NSMCE2: variants seen among roughly 807,000 people sequenced by gnomAD.
The protein encoded by NSMCE2 is NSE2 SUMO ligase component of SMC5/6 complex, also known as E3 SUMO-protein ligase NSE2.
NSMCE2 carries 24 observed loss-of-function variants against 23.8 expected under a neutral mutation model. That is an observed-to-expected ratio of 1.01 (90% CI 0.73 to 1.42). The LOEUF (loss-of-function observed/expected upper bound fraction) is 1.42. Ranked by LOEUF, NSMCE2 falls within the 40% of genes most tolerant of loss-of-function variation. The probability of loss-of-function intolerance (pLI) is 0.00; values close to 1 mark genes in which losing one functional copy is unlikely to be tolerated. For synonymous variants in NSMCE2, 92 were observed against 94.1 expected, an observed-to-expected ratio of 0.98 and a Z score of 0.13; for missense variants, 284 against 296.5, an observed-to-expected ratio of 0.96 and a Z score of 0.31.
At chr8:125,225,923 T>G (rs1825072832) in intron 5 of NSMCE2, among the ~76,000 whole-genome samples, 1 of 152,228 alleles carries the variant, frequency 6.6e-6, no homozygotes, top group South Asian at 2.1e-4. Context: ...AGTAATAATT[T>G]CCAAAAGATG....
chr8:125,184,692 TATACTA>T (rs1056024971), intron 5 of NSMCE2, among the ~76,000 whole-genome samples: 1 of 152,142 alleles, frequency 6.6e-6, no homozygotes, highest in Admixed American at 6.5e-5. Flanking sequence ...ATACTTGTAT[TATACTA>T]ATACAAGTTG....
chr8:125,160,092 A>C (rs1821528191), intron 4 of NSMCE2, among the ~76,000 whole-genome samples: 1 of 152,218 alleles, frequency 6.6e-6, no homozygotes, highest in African/African-American at 2.4e-5. Context: ...CAGAGACAAT[A>C]AAAACGTGCA....
chr8:125,345,270 T>C lies in NSMCE2; in HGVS notation c.419-11949T>C, dbSNP rs78656204. Among the ~76,000 whole-genome samples the C allele has an allele frequency of 1.8e-4, 28 of 152,306 alleles. No homozygotes were observed. In the East Asian group the frequency reaches 5.4e-3, roughly 29 times the overall value. On this transcript the variant is annotated intron_variant, in intron 5 of 7. Coordinates refer to ENST00000287437, the MANE Select transcript of NSMCE2 (RefSeq NM_173685.4). ...TTGGTAATTTGCTTTTGTACAGAAG[T>C]GGAACAGAGAATGAACAATGGTATG...
intron 5 of NSMCE2, among the ~76,000 whole-genome samples, chr8:125,269,550 T>A (rs1827089810): frequency 6.6e-6 from 1 of 152,216 alleles, no homozygotes; most frequent in South Asian, 2.1e-4. Flanking sequence ...TCATCATGGC[T>A]TGGATGAAGA....
intron 5 of NSMCE2, among the ~76,000 whole-genome samples, chr8:125,205,283 T>G (rs79405146): frequency 1.3e-5 from 2 of 152,266 alleles, no homozygotes; most frequent in African/African-American, 4.8e-5. Flanking sequence ...GAGTATCTAA[T>G]TACAAAGATT....
At chr8:125,336,185 G>A (rs1586788415) in intron 5 of NSMCE2, among the ~76,000 whole-genome samples, 1 of 152,256 alleles carries the variant, frequency 6.6e-6, no homozygotes, top group African/African-American at 2.4e-5. Context: ...CTAGTATCAT[G>A]GAATCCAGGG....
At chr8:125,303,189 C>G (rs1828629244) in intron 5 of NSMCE2, among the ~76,000 whole-genome samples, 1 of 152,154 alleles carries the variant, frequency 6.6e-6, no homozygotes, top group Non-Finnish European at 1.5e-5. Flanking sequence ...AGCTGCCTCC[C>G]TCTGTGAACC....
At chr8:125,147,403 A>G (rs527784962) in intron 3 of NSMCE2, among the ~76,000 whole-genome samples, 1 of 152,344 alleles carries the variant, frequency 6.6e-6, no homozygotes, top group African/African-American at 2.4e-5. Context: ...AAGAACACTA[A>G]GGCATCATTC....
intron 5 of NSMCE2, among the ~76,000 whole-genome samples, chr8:125,296,583 G>A (rs1435346773): frequency 2.6e-5 from 4 of 152,062 alleles, no homozygotes; most frequent in East Asian, 3.9e-4. Flanking sequence ...TTTTAATAGA[G>A]ATGGGGTTTC....
chr8:125,332,881 C>T (rs1239827920), intron 5 of NSMCE2, among the ~76,000 whole-genome samples: 2 of 152,174 alleles, frequency 1.3e-5, no homozygotes, highest in South Asian at 2.1e-4. Flanking sequence ...TTTGAGTTGT[C>T]CTGAATGTGG....
intron 5 of NSMCE2, among the ~76,000 whole-genome samples, chr8:125,284,329 T>G (rs1253335860): frequency 2.6e-5 from 4 of 152,144 alleles, no homozygotes; most frequent in Non-Finnish European, 5.9e-5. Context: ...AAACTGTGGC[T>G]GAGAGGATGG....
At chr8:125,280,385 A>G (rs1827643308) in intron 5 of NSMCE2, among the ~76,000 whole-genome samples, 1 of 152,190 alleles carries the variant, frequency 6.6e-6, no homozygotes, top group African/African-American at 2.4e-5. Flanking sequence ...TCCTTTCTAA[A>G]ACATTTACCT....
chr8:125,269,476 A>G (rs1827086431), intron 5 of NSMCE2, among the ~76,000 whole-genome samples: 1 of 152,192 alleles, frequency 6.6e-6, no homozygotes, highest in South Asian at 2.1e-4. Flanking sequence ...GAGCAAAACC[A>G]TGCCACTATA....
intron 5 of NSMCE2, among the ~76,000 whole-genome samples, chr8:125,339,787 C>G (rs1444339254): frequency 6.6e-6 from 1 of 152,114 alleles, no homozygotes; most frequent in Non-Finnish European, 1.5e-5. Context: ...GAGCTTGCCT[C>G]TCTCCTGGTG....
intron 3 of NSMCE2, among the ~76,000 whole-genome samples, chr8:125,112,108 G>A (rs563593077): frequency 6.6e-6 from 1 of 152,278 alleles, no homozygotes; most frequent in African/African-American, 2.4e-5. Flanking sequence ...ACCCTAAGAA[G>A]CCAATGTTTG....
At chr8:125,299,230 C>T (rs889645168) in intron 5 of NSMCE2, among the ~76,000 whole-genome samples, 3 of 152,078 alleles carry the variant, frequency 2.0e-5, no homozygotes, top group Non-Finnish European at 4.4e-5. Flanking sequence ...TTCTCATCAC[C>T]AAGTATATTG....
intron 5 of NSMCE2, among the ~76,000 whole-genome samples, chr8:125,283,488 C>T (rs189629306): frequency 6.6e-6 from 1 of 152,198 alleles, no homozygotes; most frequent in African/African-American, 2.4e-5. Flanking sequence ...CCACTGCACA[C>T]CAGTCTGGGC....
intron 5 of NSMCE2, among the ~76,000 whole-genome samples, chr8:125,272,293 C>T (rs1245281004): frequency 6.6e-6 from 1 of 151,980 alleles, no homozygotes; most frequent in Non-Finnish European, 1.5e-5. Flanking sequence ...GGATTACAGG[C>T]TTGAGCCACC....
At chr8:125,146,138 A>G (rs1197063117) in intron 3 of NSMCE2, among the ~76,000 whole-genome samples, 1 of 152,226 alleles carries the variant, frequency 6.6e-6, no homozygotes, top group Non-Finnish European at 1.5e-5. Flanking sequence ...TTATGCTAAC[A>G]GATTGCCAAC....
Sources: gnomAD v4.1 joint callset for allele counts (sites outside exome capture counted in the v4.1 genomes callset) on GRCh38, gnomAD v4.1.1 for gene constraint, MANE v1.5 for transcripts, NCBI Gene and HGNC (gene_info 2026-07-23, HGNC 2026-07-21) for gene names.